Variants in COL28A1 observed in about 807,000 individuals in gnomAD.
The protein encoded by COL28A1 is collagen alpha-1(XXVIII) chain.
A neutral mutation model predicts 150.2 loss-of-function variants in COL28A1; 161 were observed. The observed-to-expected ratio is 1.07, with a 90% CI of 0.94 to 1.22. The LOEUF (loss-of-function observed/expected upper bound fraction) is 1.22, where lower values mean the gene tolerates loss of function less well. Ranked by LOEUF, COL28A1 falls within the 50% of genes most tolerant of loss-of-function variation. COL28A1 has a pLI of 0.00. For synonymous variants in COL28A1, 552 were observed against 469.7 expected, an observed-to-expected ratio of 1.18 and a Z score of -2.26; for missense variants, 1,617 against 1,388.3, an observed-to-expected ratio of 1.16 and a Z score of -2.62.
intron 15 of COL28A1, among the ~76,000 whole-genome samples, chr7:7,471,101 T>TA (rs1271456394): frequency 3.3e-5 from 4 of 120,808 alleles, no homozygotes; most frequent in African/African-American, 9.8e-5. Flanking sequence ...CCCTAAAACT[T>TA]AGAGTATAAT....
chr7:7,529,698 G>T (rs1014604930), intron 3 of COL28A1, among the ~76,000 whole-genome samples: 1 of 152,136 alleles, frequency 6.6e-6, no homozygotes, highest in Non-Finnish European at 1.5e-5. Flanking sequence ...TGCCTGTCCC[G>T]CATCTTCTAT....
chr7:7,465,584 G>A (rs976874614), intron 15 of COL28A1, among the ~76,000 whole-genome samples: 25 of 136,316 alleles, frequency 1.8e-4, no homozygotes, highest in African/African-American at 6.6e-4. Context: ...CGAGAAGCTC[G>A]AACTGGGTGG....
At chr7:7,536,070 T>C (rs1782624041), upstream of COL28A1, among the ~76,000 whole-genome samples, 1 of 152,150 alleles carries the variant, frequency 6.6e-6, no homozygotes, top group African/African-American at 2.4e-5. Context: ...ATTTTAGGCA[T>C]TGGTTGACAG....
chr7:7,410,945 T>C (rs1783756203), intron 27 of COL28A1, among the ~76,000 whole-genome samples: 1 of 152,180 alleles, frequency 6.6e-6, no homozygotes, highest in South Asian at 2.1e-4. Context: ...ATCGTTTCTA[T>C]TTGGCCTTCA....
intron 11 of COL28A1, among the ~76,000 whole-genome samples, chr7:7,495,782 C>T (rs1780176715): frequency 6.6e-6 from 1 of 152,196 alleles, no homozygotes; most frequent in Non-Finnish European, 1.5e-5. Flanking sequence ...ACTCTACTTG[C>T]ACCCACTCTA....
chr7:7,375,583 G>C (rs1781498306), intron 30 of COL28A1, 86 bp from the exon 31 acceptor site: 1 of 840,794 alleles, frequency 1.2e-6, no homozygotes, highest in African/African-American at 1.7e-5. Flanking sequence ...ATTACAATCA[G>C]CACTGGACCA....
intron 11 of COL28A1, among the ~76,000 whole-genome samples, chr7:7,497,043 G>C (rs897881484): frequency 2.8e-5 from 4 of 142,848 alleles, no homozygotes; most frequent in Admixed American, 2.8e-4. Flanking sequence ...GGAAGGAAAG[G>C]AGGGAGGGAG....
intron 27 of COL28A1, among the ~76,000 whole-genome samples, chr7:7,403,071 T>C (rs190430784): frequency 1.3e-5 from 2 of 152,324 alleles, no homozygotes; most frequent in East Asian, 3.9e-4. Flanking sequence ...TGATGTGGAC[T>C]AGTCAGTGTA....
chr7:7,445,744 A>T (rs1168846704), intron 18 of COL28A1, among the ~76,000 whole-genome samples: 1 of 152,200 alleles, frequency 6.6e-6, no homozygotes, highest in Non-Finnish European at 1.5e-5. Context: ...AACTAACCTA[A>T]ACAAGCCAGT....
At chr7:7,447,767 A>G (rs1016078724) in intron 18 of COL28A1, among the ~76,000 whole-genome samples, 1 of 152,224 alleles carries the variant, frequency 6.6e-6, no homozygotes, top group Non-Finnish European at 1.5e-5. Context: ...GAACTAACAC[A>G]TATAGCAATA....
chr7:7,520,371 T>A (rs1045176728), intron 5 of COL28A1, among the ~76,000 whole-genome samples: 1 of 152,176 alleles, frequency 6.6e-6, no homozygotes, highest in East Asian at 1.9e-4. Context: ...CCCAAAACAA[T>A]CACTTCTCAG....
the COL28A1 span, among the ~76,000 whole-genome samples, chr7:7,543,031 C>A: frequency 6.6e-6 from 1 of 152,014 alleles, no homozygotes; most frequent in Non-Finnish European, 1.5e-5. Context: ...CATATACATA[C>A]GTAAGTTTAT....
intron 27 of COL28A1, among the ~76,000 whole-genome samples, chr7:7,413,550 G>A (rs1365811939): frequency 1.3e-5 from 2 of 152,112 alleles, no homozygotes; most frequent in East Asian, 1.9e-4. Context: ...GTCAAGTCCT[G>A]GCCAAGAGTT....
chr7:7,509,927 A>T (rs1010443800), intron 9 of COL28A1, among the ~76,000 whole-genome samples: 4 of 152,174 alleles, frequency 2.6e-5, no homozygotes, highest in Non-Finnish European at 5.9e-5. Flanking sequence ...CCTTTTGCAG[A>T]TCCACCTGAC....
chr7:7,409,873 A>G (rs1302925029), intron 27 of COL28A1, among the ~76,000 whole-genome samples: 1 of 152,190 alleles, frequency 6.6e-6, no homozygotes, highest in Non-Finnish European at 1.5e-5. Context: ...CAAGAAATAT[A>G]AGCCGGTAAT....
intron 32 of COL28A1, among the ~76,000 whole-genome samples, chr7:7,371,874 C>T (rs1323712026): frequency 2.6e-5 from 4 of 151,942 alleles, no homozygotes; most frequent in Admixed American, 2.6e-4. Flanking sequence ...GCTCTGTCGC[C>T]CAGGCTGGAG....
intron 25 of COL28A1, among the ~76,000 whole-genome samples, chr7:7,428,190 C>T (rs887314610): frequency 3.3e-5 from 5 of 152,106 alleles, no homozygotes; most frequent in African/African-American, 1.2e-4. Context: ...GTCTTTTCTG[C>T]CAACAGACTT....
At chr7:7,425,260 C>T (rs1784593354) in intron 25 of COL28A1, among the ~76,000 whole-genome samples, 1 of 152,074 alleles carries the variant, frequency 6.6e-6, no homozygotes, top group African/African-American at 2.4e-5. Context: ...GGTATGACTC[C>T]AGAACCCATC....
chr7:7,490,326 C>T (rs1433687876), intron 12 of COL28A1, among the ~76,000 whole-genome samples: 1 of 152,172 alleles, frequency 6.6e-6, no homozygotes, highest in Non-Finnish European at 1.5e-5. Flanking sequence ...CTACATGTAC[C>T]TTGGCAAAAG....
Sources: gnomAD v4.1 joint callset for allele counts (sites outside exome capture counted in the v4.1 genomes callset) on GRCh38, gnomAD v4.1.1 for gene constraint, MANE v1.5 for transcripts, NCBI Gene and HGNC (gene_info 2026-07-23, HGNC 2026-07-21) for gene names.